Variants in SPMAP2L observed in about 807,000 individuals in gnomAD.
The protein encoded by SPMAP2L is sperm microtubule associated protein 2-like.
the SPMAP2L span, among the ~76,000 whole-genome samples, chr4:56,564,516 C>T: frequency 6.6e-6 from 1 of 152,080 alleles, no homozygotes; most frequent in South Asian, 2.1e-4. Context: ...GATATCTATC[C>T]AACCTCCTGT....
chr4:56,611,665 A>C, the SPMAP2L span, among the ~76,000 whole-genome samples: 1 of 152,200 alleles, frequency 6.6e-6, no homozygotes, highest in Non-Finnish European at 1.5e-5. Flanking sequence ...TCTGCCTCAC[A>C]ACCTCTGCAG....
At chr4:56,594,901 G>T in the SPMAP2L span, 1 of 1,611,120 alleles carries the variant, frequency 6.2e-7, no homozygotes, top group East Asian at 2.2e-5. Context: ...CTGATGTCTC[G>T]CACCTAAATC....
chr4:56,589,293 T>A, the SPMAP2L span, among the ~76,000 whole-genome samples: 6 of 152,308 alleles, frequency 3.9e-5, no homozygotes, highest in Middle Eastern at 3.4e-3. Flanking sequence ...CCAGCGTATG[T>A]GCCTATTTTT....
At chr4:56,575,880 T>C in the SPMAP2L span, among the ~76,000 whole-genome samples, 2 of 152,214 alleles carry the variant, frequency 1.3e-5, no homozygotes, top group African/African-American at 2.4e-5. Flanking sequence ...TTACCATTGT[T>C]AGCCAGTTAA....
chr4:56,534,851 C>T, the SPMAP2L span, among the ~76,000 whole-genome samples: 1 of 152,154 alleles, frequency 6.6e-6, no homozygotes, highest in Non-Finnish European at 1.5e-5. Flanking sequence ...ATCGCTTGAA[C>T]CTGGGAGGTG....
chr4:56,543,304 C>A, the SPMAP2L span, among the ~76,000 whole-genome samples: 1 of 152,032 alleles, frequency 6.6e-6, no homozygotes, highest in Non-Finnish European at 1.5e-5. Context: ...AGGATGGTCT[C>A]GACCTCCTGC....
At chr4:56,594,546 G>A in the SPMAP2L span, 64 of 1,608,700 alleles carry the variant, frequency 4.0e-5, no homozygotes, top group African/African-American at 2.0e-4. Flanking sequence ...GCCACTATCC[G>A]AGCCTACTTA....
the SPMAP2L span, chr4:56,575,446 T>A: frequency 6.6e-7 from 1 of 1,524,024 alleles, no homozygotes; most frequent in African/African-American, 1.4e-5. Context: ...TGGAAAATAC[T>A]ATGACAATTT....
At chr4:56,625,758 C>T in the SPMAP2L span, among the ~76,000 whole-genome samples, 1 of 152,188 alleles carries the variant, frequency 6.6e-6, no homozygotes, top group Non-Finnish European at 1.5e-5. Context: ...CCTTTTCTTC[C>T]CAATTTCAGT....
At chr4:56,559,426 C>T in the SPMAP2L span, 1 of 1,529,850 alleles carries the variant, frequency 6.5e-7, no homozygotes, top group East Asian at 2.5e-5. Flanking sequence ...TCCTATTCGC[C>T]CTGTTTCCCA....
the SPMAP2L span, among the ~76,000 whole-genome samples, chr4:56,563,746 G>A: frequency 1.3e-5 from 2 of 152,112 alleles, no homozygotes; most frequent in East Asian, 1.9e-4. Context: ...TGCCATTATA[G>A]CACCAAAGCA....
At chr4:56,563,441 T>G in the SPMAP2L span, among the ~76,000 whole-genome samples, 26 of 151,900 alleles carry the variant, frequency 1.7e-4, no homozygotes, top group African/African-American at 6.3e-4. Flanking sequence ...TGAATTTGCT[T>G]TTGGTGCTTG....
At chr4:56,558,769 G>A in the SPMAP2L span, among the ~76,000 whole-genome samples, 2 of 151,822 alleles carry the variant, frequency 1.3e-5, no homozygotes, top group Non-Finnish European at 2.9e-5. Flanking sequence ...TCCTATTGTC[G>A]TTTGATTTTT....
At chr4:56,595,342 C>T in the SPMAP2L span, 18 of 1,607,914 alleles carry the variant, frequency 1.1e-5, no homozygotes, top group Non-Finnish European at 1.4e-5. Context: ...CCCTATCATG[C>T]CCTGGCCTGT....
At chr4:56,566,720 A>G in the SPMAP2L span, among the ~76,000 whole-genome samples, 37,534 of 93,432 alleles carry the variant, frequency 0.4, 7,711 homozygotes, top group African/African-American at 0.65. Flanking sequence ...TTTTTTTGGC[A>G]GAGTTTTGCT....
the SPMAP2L span, among the ~76,000 whole-genome samples, chr4:56,590,372 A>G: frequency 6.6e-6 from 1 of 152,240 alleles, no homozygotes; most frequent in Non-Finnish European, 1.5e-5. Context: ...TAAGTTCAAA[A>G]TTATGCATGG....
chr4:56,540,156 GAAGT>G, the SPMAP2L span, among the ~76,000 whole-genome samples: 1 of 152,174 alleles, frequency 6.6e-6, no homozygotes, highest in Admixed American at 6.5e-5. Context: ...ACAACCCTTT[GAAGT>G]AAGTACTATT....
the SPMAP2L span, among the ~76,000 whole-genome samples, chr4:56,563,644 T>C: frequency 6.6e-6 from 1 of 152,270 alleles, no homozygotes; most frequent in South Asian, 2.1e-4. Context: ...TCTCTTTCAA[T>C]ATATAACTTT....
the SPMAP2L span, among the ~76,000 whole-genome samples, chr4:56,560,090 G>T: frequency 6.6e-6 from 1 of 152,094 alleles, no homozygotes; most frequent in East Asian, 1.9e-4. Context: ...ATAAAGTGAA[G>T]GTGTTATACA....
Sources: gnomAD v4.1 joint callset for allele counts (sites outside exome capture counted in the v4.1 genomes callset) on GRCh38, gnomAD v4.1.1 for gene constraint, MANE v1.5 for transcripts, NCBI Gene and HGNC (gene_info 2026-07-23, HGNC 2026-07-21) for gene names.